The following PHGDH variants were observed in gnomAD, a reference collection of about 807,000 sequenced individuals.
PHGDH encodes phosphoglycerate dehydrogenase.
Under a neutral mutation model 52.6 loss-of-function variants are expected in PHGDH, and 50 were observed. That is an observed-to-expected ratio of 0.95 (90% CI 0.76 to 1.20). PHGDH has a LOEUF of 1.20. PHGDH is among the 50% of genes most tolerant of loss of function. The pLI, the probability that PHGDH is intolerant of heterozygous loss-of-function variation, is 0.00. For missense variants in PHGDH, 630 were observed against 684.6 expected (o/e 0.92, Z 0.89); for synonymous variants, 271 against 280.5 (o/e 0.97, Z 0.34).
chr1:119,743,853 C>T (rs1467954645), intron 11 of PHGDH, 33 bp from the exon 12 acceptor site: 1 of 1,591,960 alleles, frequency 6.3e-7, no homozygotes, highest in Non-Finnish European at 8.6e-7. Context: ...TCCCCTATCC[C>T]CTGTGCCAAC....
At chr1:119,727,144 G>A (rs756981674) in intron 5 of PHGDH, 42 bp downstream of exon 5, 1 of 1,258,156 alleles carries the variant, frequency 7.9e-7, no homozygotes, top group Non-Finnish European at 1.2e-6. Flanking sequence ...ACTTTCTGCA[G>A]CAATTTTGGG....
chr1:119,734,318 CT>C, intron 5 of PHGDH: 1 of 386,370 alleles, frequency 2.6e-6, no homozygotes, highest in Non-Finnish European at 4.9e-6. Flanking sequence ...GACGCACCTT[CT>C]TTTGAGCTCT....
chr1:119,728,770 G>A (rs768662973), intron 5 of PHGDH, among the ~76,000 whole-genome samples: 29 of 152,282 alleles, frequency 1.9e-4, no homozygotes, highest in Non-Finnish European at 3.7e-4. Flanking sequence ...CTGTTTTAGG[G>A]AATTACAGGG....
At chr1:119,738,381 C>T (rs1050557851) in intron 8 of PHGDH, among the ~76,000 whole-genome samples, 2 of 152,218 alleles carry the variant, frequency 1.3e-5, no homozygotes, top group African/African-American at 2.4e-5. Flanking sequence ...TCCTGCTGCC[C>T]AGCAGCCCCA....
intron 9 of PHGDH, 37 bp from the exon 10 acceptor site, chr1:119,741,730 A>C (rs1652215674): frequency 6.2e-7 from 1 of 1,607,208 alleles, no homozygotes; most frequent in African/African-American, 1.3e-5. Flanking sequence ...AGTGCTCAAC[A>C]AACAGTGACC....
At chr1:119,714,998 G>A (rs756176553) in intron 1 of PHGDH, among the ~76,000 whole-genome samples, 2 of 152,252 alleles carry the variant, frequency 1.3e-5, no homozygotes, top group East Asian at 3.9e-4. Flanking sequence ...AAATAATAAA[G>A]CATCTTGTTT....
At chr1:119,718,090 G>A (rs1651008741) in intron 1 of PHGDH, among the ~76,000 whole-genome samples, 2 of 152,320 alleles carry the variant, frequency 1.3e-5, no homozygotes, top group South Asian at 4.1e-4. Flanking sequence ...CAGTAGGCAG[G>A]CTGGCTGGGA....
chr1:119,742,469 C>G (rs937897883), intron 10 of PHGDH: 5 of 481,442 alleles, frequency 1.0e-5, no homozygotes, highest in Non-Finnish European at 1.9e-5. Flanking sequence ...CCACTGATGC[C>G]GTGCAGGAGG....
At chr1:119,728,322 T>C (rs1294707632) in intron 5 of PHGDH, among the ~76,000 whole-genome samples, 1 of 152,242 alleles carries the variant, frequency 6.6e-6, no homozygotes, top group Non-Finnish European at 1.5e-5. Context: ...TCTGCTTTCC[T>C]GTGATAATTT....
chr1:119,712,204 A>G (rs753367847), intron 1 of PHGDH, 44 bp downstream of exon 1: 1 of 1,590,468 alleles, frequency 6.3e-7, no homozygotes, highest in Non-Finnish European at 8.6e-7. Flanking sequence ...GGCAACCTCC[A>G]TGGAAAAAGG....
At position 119,712,054 on chromosome 1, in the gene PHGDH, T is replaced by C. The variant is rs1274585614; in HGVS notation, c.32T>C (p.Ile11Thr). 1 of 1,614,192 alleles carries C rather than the reference T, an allele frequency of 6.2e-7. No individual in the cohort carries two copies. The highest frequency in any genetic ancestry group is 1.1e-5 in the South Asian group (1 of 91,084). Residue 11 changes from isoleucine to threonine, a missense_variant, in exon 1 of 12, where the codon ATC (isoleucine) becomes ACC (threonine). Transcript: ENST00000641023. MAFANLRKVL[I>T]SDSLDPCCRK... ...TTTGCAAATCTGCGGAAAGTGCTCA[T>C]CAGTGACAGCCTGGACCCTTGCTGC...
In PHGDH at chr1:119,711,953, A is replaced by C. The variant is rs1203628405; in HGVS notation, c.-70A>C. On this transcript the variant is annotated 5_prime_UTR_variant, in exon 1 of 12. Transcript: ENST00000641023. ...TACTGCCCAGTTACTCTAGCGCGCC[A>C]GGCCGAACCGCAGCTTCTTGGCTTA... 2.6e-6 allele frequency: 4 copies of C among 1,561,850 alleles called. No homozygotes were observed. Among genetic ancestry groups the C allele is most frequent in the Non-Finnish European group, 3.5e-6 (4 of 1,134,528 alleles).
rs936617510 is a variant in PHGDH, at chr1:119,712,166, G to T, written c.138+6G>T. The T allele has an allele frequency of 3.7e-6, 6 of 1,613,550 alleles. No homozygotes were observed. The highest frequency in any genetic ancestry group is 5.1e-6 in the Non-Finnish European group (6 of 1,179,810). ...AGCTGATAGCGGAGCTGCAGGTAAGGCGAGAGAGAGAAAATTGAGGTCTCT... is the reference window on the plus strand; with the variant it reads ...AGCTGATAGCGGAGCTGCAGGTAAGTCGAGAGAGAGAAAATTGAGGTCTCT... On this transcript the variant is annotated splice_donor_region_variant and intron_variant, in intron 1 of 11. Transcript: ENST00000641023.
Position 119,712,047 on chromosome 1 carries a change from G to C in PHGDH, c.25G>C (p.Val9Leu), listed in dbSNP as rs199784256. The part of the protein sequence containing the change: MAFANLRK[V>L]LISDSLDPCC... ...AATGGCTTTTGCAAATCTGCGGAAAGTGCTCATCAGTGACAGCCTGGACCC... is the reference window on the plus strand; with the variant it reads ...AATGGCTTTTGCAAATCTGCGGAAACTGCTCATCAGTGACAGCCTGGACCC... Residue 9 changes from valine to leucine, a missense_variant, in exon 1 of 12, where the codon GTG becomes CTG. Physicochemically the swap from Val to Leu is conservative, Grantham distance 32. Transcript: ENST00000641023. 5.6e-6 allele frequency: 9 copies of C among 1,614,198 alleles called. No individual in the cohort carries two copies. In the East Asian group the frequency reaches 1.8e-4, roughly 32 times the overall value.
At chr1:119,726,573 C>A (rs747012649) in intron 3 of PHGDH, 29 of 548,302 alleles carry the variant, frequency 5.3e-5, no homozygotes, top group Non-Finnish European at 9.2e-5. Flanking sequence ...AAAACTCACT[C>A]TGGTTGATGC....
At chr1:119,729,143 CA>C (rs1330049556) in intron 5 of PHGDH, among the ~76,000 whole-genome samples, 10 of 152,112 alleles carry the variant, frequency 6.6e-5, no homozygotes, top group African/African-American at 2.4e-4. Flanking sequence ...TGAGAAGGGC[CA>C]GGTGTATTCT....
At chr1:119,712,241 C>T (rs1650728366) in intron 1 of PHGDH, 81 bp downstream of exon 1, 3 of 1,259,066 alleles carry the variant, frequency 2.4e-6, no homozygotes, top group South Asian at 2.5e-5. Flanking sequence ...CAGCGCGCCC[C>T]CCTCGCATGC....
chr1:119,731,551 C>T (rs868862488), intron 5 of PHGDH, among the ~76,000 whole-genome samples: 4 of 152,170 alleles, frequency 2.6e-5, no homozygotes, highest in South Asian at 4.2e-4. Flanking sequence ...CAGTTATCAC[C>T]GATTTTTTCA....
In PHGDH at chr1:119,712,014, A is replaced by C; in HGVS notation, c.-9A>C. On this transcript the variant is annotated 5_prime_UTR_variant, in exon 1 of 12. Transcript: ENST00000641023. The stretch of plus-strand genomic sequence containing the variant: ...CTCACAGCGGCCGATTCCGAGGCCA[A>C]CTCCAGCAATGGCTTTTGCAAATCT... The C allele has an allele frequency of 6.2e-7, 1 of 1,613,918 alleles. No individual in the cohort carries two copies. The highest frequency in any genetic ancestry group is 1.1e-5 in the South Asian group (1 of 91,066).
Sources: allele counts gnomAD v4.1 joint callset (sites outside exome capture counted in the v4.1 genomes callset), GRCh38; gene constraint gnomAD v4.1.1; transcripts MANE v1.5; gene names NCBI Gene and HGNC (gene_info 2026-07-23, HGNC 2026-07-21).